The following TAF5L variants were observed in gnomAD, a reference collection of about 807,000 sequenced individuals.
The protein encoded by TAF5L is TAF5-like RNA polymerase II p300/CBP-associated factor-associated factor 65 kDa subunit 5L.
Under a neutral mutation model 51.3 loss-of-function variants are expected in TAF5L, and 7 were observed. The ratio of observed to expected loss-of-function variants is 0.14; its 90% CI spans 0.08 to 0.26. TAF5L has a LOEUF of 0.26. Among genes scored for constraint, TAF5L ranks in the 10% least tolerant of loss-of-function variants. The pLI is 1.00. For synonymous variants in TAF5L, 291 were observed against 308.1 expected, an observed-to-expected ratio of 0.94 and a Z score of 0.58; for missense variants, 575 against 758.9, an observed-to-expected ratio of 0.76 and a Z score of 2.85.
chr1:229,623,776 G>A (rs1665314295), intron 1 of TAF5L, among the ~76,000 whole-genome samples: 1 of 152,232 alleles, frequency 6.6e-6, no homozygotes, highest in Non-Finnish European at 1.5e-5. Context: ...ACGTTCTTCA[G>A]ATGGGAAAGC....
intron 4 of TAF5L, chr1:229,601,158 G>C (rs1664357275): frequency 1.0e-6 from 1 of 985,230 alleles, no homozygotes. Flanking sequence ...TCGGTTGCAA[G>C]AATCAAAAAT....
At chr1:229,605,346 A>G (rs1664553729) in intron 3 of TAF5L, among the ~76,000 whole-genome samples, 1 of 152,202 alleles carries the variant, frequency 6.6e-6, no homozygotes, top group African/African-American at 2.4e-5. Flanking sequence ...AGAGGAGTAA[A>G]CATCATCCAA....
At chr1:229,626,059 C>G (rs1159197676), upstream of TAF5L, 1 of 151,674 alleles carries the variant, frequency 6.6e-6, no homozygotes, top group Non-Finnish European at 1.5e-5. Context: ...CCATGACTGA[C>G]TGACACGGAG....
chr1:229,618,987 G>A (rs1261644846), intron 1 of TAF5L, among the ~76,000 whole-genome samples: 1 of 152,196 alleles, frequency 6.6e-6, no homozygotes. Flanking sequence ...CTCTTCAACT[G>A]AGACTTCTGA....
chr1:229,617,227 A>G (rs1404068202), intron 1 of TAF5L, among the ~76,000 whole-genome samples: 2 of 152,166 alleles, frequency 1.3e-5, no homozygotes, highest in African/African-American at 4.8e-5. Context: ...GAGTGTGTGG[A>G]TATGTATATA....
rs2102732791 is a variant in TAF5L at position 229,594,039 on chromosome 1, C to T, written c.*258G>A. Reference sequence around the variant, plus strand: ...CGCATGCGCGAGGTCACGGCAGAGTCTCCATGAGGACTTGTGAGTGACCTC... The same window carrying T: ...CGCATGCGCGAGGTCACGGCAGAGTTTCCATGAGGACTTGTGAGTGACCTC... On this transcript the variant is annotated 3_prime_UTR_variant, in exon 5 of 5. Transcript: ENST00000258281. This position sits in a 1 kb window ranked among gnomAD's most constrained non-coding sequence, Gnocchi z 7.9. The T allele has an allele frequency of 2.3e-6, 1 of 434,750 alleles. No homozygotes were observed. Among genetic ancestry groups the T allele is most frequent in the East Asian group, 4.6e-5 (1 of 21,888 alleles). The allele number at this position is 434,750 out of a possible 1,614,324, so 26.9% of individuals were successfully genotyped here.
intron 1 of TAF5L, among the ~76,000 whole-genome samples, chr1:229,614,827 G>A (rs984792038): frequency 9.9e-5 from 15 of 152,194 alleles, no homozygotes; most frequent in Non-Finnish European, 1.6e-4. Context: ...AGCAAACAGG[G>A]CCAGTCTGAA....
intron 3 of TAF5L, chr1:229,607,026 A>T (rs1043254975): frequency 5.0e-5 from 49 of 985,316 alleles, no homozygotes; most frequent in Non-Finnish European, 5.5e-5. Flanking sequence ...ACAAGTCTTT[A>T]TCTTTCTCCT....
At chr1:229,616,829 G>A (rs1244038234) in intron 1 of TAF5L, among the ~76,000 whole-genome samples, 1 of 152,090 alleles carries the variant, frequency 6.6e-6, no homozygotes, top group Non-Finnish European at 1.5e-5. Context: ...TAAACTATAT[G>A]CCCAGAAAGA....
intron 1 of TAF5L, among the ~76,000 whole-genome samples, chr1:229,620,956 ATGTGTGTGTGTGTG>A (rs60562331): frequency 2.6e-4 from 39 of 149,904 alleles, no homozygotes; most frequent in Non-Finnish European, 5.3e-4. Context: ...TAAAACATTT[ATGTGTGTGTGTGTG>A]TGTGTGTGTG....
intron 1 of TAF5L, among the ~76,000 whole-genome samples, chr1:229,621,269 C>T (rs1665192307): frequency 6.6e-6 from 1 of 152,196 alleles, no homozygotes; most frequent in East Asian, 1.9e-4. Flanking sequence ...AGCATCTTGG[C>T]TTAAAAAAGT....
rs760663250 is a variant in TAF5L, at chr1:229,625,542, C to A, written c.-4+343G>T. On this transcript the variant is annotated intron_variant, in intron 1 of 4. Transcript: ENST00000258281. This position sits in a 1 kb window ranked among gnomAD's most constrained non-coding sequence, Gnocchi z 4.0. The stretch of plus-strand genomic sequence containing the variant: ...GGCTGTCGGGCACTGGGATACCTTC[C>A]CCGCGGGCGCCCGCCACCTCCTCCC... Among the ~76,000 whole-genome samples, 30 of 152,092 alleles carry A rather than the reference C, an allele frequency of 2.0e-4. No homozygotes were observed. The highest frequency in any genetic ancestry group is 1.5e-4 in the Non-Finnish European group (10 of 67,964).
intron 4 of TAF5L, among the ~76,000 whole-genome samples, chr1:229,596,255 C>T (rs960443407): frequency 9.2e-5 from 14 of 152,224 alleles, no homozygotes; most frequent in Admixed American, 8.5e-4. Flanking sequence ...GCCTGGGGGA[C>T]AGAGCAAGAC....
chr1:229,607,563 T>C (rs1251120139), intron 3 of TAF5L: 2 of 834,806 alleles, frequency 2.4e-6, no homozygotes, highest in African/African-American at 3.7e-5. Flanking sequence ...ACTTAAAGCC[T>C]ACCTCCTGCT....
rs745454980 is a variant in TAF5L at position 229,594,462 on chromosome 1, G to A, written c.1605C>T (p.Arg535=). ...AGTAAGTGTTCCTGATGTCCCAGAC[G>A]CGCACCGAGTTGTCCATGGAGGCAG... Residue 535 remains arginine (R), a synonymous_variant, in exon 5 of 5, where the codon CGC becomes CGT. Coordinates refer to ENST00000258281, the Ensembl canonical transcript of TAF5L. The surrounding 1 kb of genome is among the most constrained non-coding windows in gnomAD (Gnocchi z 7.9). 1.7e-5 allele frequency: 28 copies of A among 1,614,060 alleles called. No individual in the cohort carries two copies. The highest frequency in any genetic ancestry group is 1.6e-4 in the Middle Eastern group (1 of 6,082).
chr1:229,605,089 G>A (rs1664535491), intron 3 of TAF5L, among the ~76,000 whole-genome samples: 2 of 149,070 alleles, frequency 1.3e-5, no homozygotes, highest in Non-Finnish European at 3.0e-5. Context: ...GTGACACCAC[G>A]CTCAGCTAAT....
Position 229,610,183 on chromosome 1 carries a change from A to G in TAF5L, c.170T>C (p.Ile57Thr), listed in dbSNP as rs565570106. The G allele has an allele frequency of 3.3e-5, 53 of 1,614,162 alleles. No individual in the cohort carries two copies. The South Asian group carries it at 5.5e-4, about 17-fold the overall frequency. Residue 57 changes from isoleucine (I) to threonine (T), a missense_variant, in exon 3 of 5, where the codon ATA (isoleucine) becomes ACA (threonine). Physicochemically the swap from Ile to Thr is moderately conservative, Grantham distance 89. This residue lies in a region of TAF5L where 380 missense variants were observed against 443.7 expected (regional missense o/e 0.86). Transcript: ENST00000258281. The stretch of plus-strand genomic sequence containing the variant: ...TGCCTGGCAAGGGGCTGCAGACACT[A>G]TGTTGGCACAACCAGATTCTGATTG...
exon 5 of TAF5L, chr1:229,595,078 T>C (rs1371604476): frequency 6.3e-7 from 1 of 1,599,576 alleles, no homozygotes; most frequent in East Asian, 2.2e-5. Flanking sequence ...CGTGCCTGCA[T>C]TATCATCCTC....
At position 229,602,959 on chromosome 1, in the gene TAF5L, T is replaced by C. The variant is rs746236335; in HGVS notation, c.248-40A>G. ...AAAGAAGGCTTTATAATCAGCATAATCTTACAGAATAACGTGATCCCTCCT... is the reference window on the plus strand; with the variant it reads ...AAAGAAGGCTTTATAATCAGCATAACCTTACAGAATAACGTGATCCCTCCT... On this transcript the variant is annotated intron_variant, in intron 3 of 4. Coordinates refer to ENST00000258281, the Ensembl canonical transcript of TAF5L. The surrounding 1 kb of genome is among the most constrained non-coding windows in gnomAD (Gnocchi z 4.6). The C allele has an allele frequency of 2.0e-6, 3 of 1,537,360 alleles. No homozygotes were observed. Among genetic ancestry groups the C allele is most frequent in the East Asian group, 4.5e-5 (2 of 44,528 alleles).
Sources: gnomAD v4.1 joint callset for allele counts (sites outside exome capture counted in the v4.1 genomes callset) on GRCh38, gnomAD v4.1.1 for gene constraint, gnomAD v4.1.1 regional missense constraint, Gnocchi (gnomAD v3.1) non-coding constraint, MANE v1.5 for transcripts, NCBI Gene and HGNC (gene_info 2026-07-23, HGNC 2026-07-21) for gene names.